The following ACVR2A variants were observed in gnomAD, a reference collection of about 807,000 sequenced individuals.
ACVR2A encodes activin A receptor type 2A, also known as activin receptor type-2A.
In ACVR2A, 7 loss-of-function variants were observed where a neutral mutation model predicts 61.4. That is an observed-to-expected ratio of 0.11 (90% CI 0.06 to 0.21). The LOEUF (loss-of-function observed/expected upper bound fraction) is 0.21, where lower values mean the gene tolerates loss of function less well. ACVR2A is among the 10% of genes least tolerant of loss of function. ACVR2A has a pLI of 1.00. For synonymous variants in ACVR2A, 193 were observed against 208.3 expected (o/e 0.93, Z 0.63); for missense variants, 322 against 621.7 (o/e 0.52, Z 5.13).
At chr2:147,854,309 C>G (rs1168040927) in intron 1 of ACVR2A, among the ~76,000 whole-genome samples, 1 of 152,188 alleles carries the variant, frequency 6.6e-6, no homozygotes, top group African/African-American at 2.4e-5. Context: ...TAAATCGTCT[C>G]TATTTATTAG....
At chr2:147,922,131 T>A (rs1687395326) in intron 8 of ACVR2A, among the ~76,000 whole-genome samples, 2 of 152,122 alleles carry the variant, frequency 1.3e-5, no homozygotes, top group South Asian at 4.1e-4. Flanking sequence ...TTCTGAGTAG[T>A]AAATTTTTTA....
chr2:147,918,208 A>G (rs1687299572), intron 6 of ACVR2A, among the ~76,000 whole-genome samples: 1 of 150,778 alleles, frequency 6.6e-6, no homozygotes. Flanking sequence ...AGATTGGTGG[A>G]AGTTGACTAT....
intron 1 of ACVR2A, among the ~76,000 whole-genome samples, chr2:147,872,821 C>T (rs555397475): frequency 6.6e-6 from 1 of 151,430 alleles, no homozygotes; most frequent in African/African-American, 2.4e-5. Flanking sequence ...ATCACTTTAC[C>T]TTCTTGGAGG....
intron 9 of ACVR2A, 87 bp downstream of exon 9, chr2:147,923,198 A>T (rs1294210049): frequency 1.4e-6 from 2 of 1,425,406 alleles, no homozygotes; most frequent in African/African-American, 2.9e-5. Context: ...GTAATATTTT[A>T]AAGTACAGTT....
At chr2:147,858,417 G>C (rs1238359982) in intron 1 of ACVR2A, among the ~76,000 whole-genome samples, 1 of 152,122 alleles carries the variant, frequency 6.6e-6, no homozygotes, top group Non-Finnish European at 1.5e-5. Flanking sequence ...TTAGATATTA[G>C]AGGGCTTATT....
At chr2:147,854,670 A>G (rs919100352) in intron 1 of ACVR2A, among the ~76,000 whole-genome samples, 1 of 152,230 alleles carries the variant, frequency 6.6e-6, no homozygotes, top group African/African-American at 2.4e-5. Context: ...ATTGAACTAC[A>G]TGCTAGACAC....
At chr2:147,856,229 T>C (rs1390648771) in intron 1 of ACVR2A, among the ~76,000 whole-genome samples, 1 of 152,202 alleles carries the variant, frequency 6.6e-6, no homozygotes, top group African/African-American at 2.4e-5. Context: ...CTCTTTATTA[T>C]GGCAGAAGTT....
At chr2:147,899,293 G>A in intron 2 of ACVR2A, 165 bp from the exon 3 acceptor site, 1 of 458,408 alleles carries the variant, frequency 2.2e-6, no homozygotes, top group East Asian at 3.5e-5. Context: ...TTAGTAACAG[G>A]AATCCAGGAA....
chr2:147,848,195 A>G (rs1685359975), intron 1 of ACVR2A, among the ~76,000 whole-genome samples: 1 of 152,262 alleles, frequency 6.6e-6, no homozygotes, highest in Admixed American at 6.5e-5. Context: ...TCTAAAAGGC[A>G]GAATCTCTTA....
At chr2:147,896,538 T>C in intron 2 of ACVR2A, 30 bp downstream of exon 2, 1 of 1,599,146 alleles carries the variant, frequency 6.3e-7, no homozygotes, top group South Asian at 1.1e-5. Context: ...TTTATGGTAG[T>C]ATTGAGTAAT....
At position 147,866,094 on chromosome 2, in the gene ACVR2A, C is replaced by T. The variant is rs1685847868; in HGVS notation, c.55+20887C>T. On this transcript the variant is annotated intron_variant, in intron 1 of 10. Coordinates refer to ENST00000241416, the MANE Select transcript of ACVR2A (RefSeq NM_001616.5). ...AGAGTAGGCCCAGGGGAGCCAATGT[C>T]ATGGCCAACAAAATGGTATCAAGCA... Among the ~76,000 whole-genome samples the T allele has an allele frequency of 2.0e-5, 3 of 152,112 alleles. No homozygotes were observed. The South Asian group carries it at 6.2e-4, about 32-fold the overall frequency.
At chr2:147,922,658 A>T (rs1156285022) in intron 8 of ACVR2A, among the ~76,000 whole-genome samples, 1 of 151,656 alleles carries the variant, frequency 6.6e-6, no homozygotes, top group Non-Finnish European at 1.5e-5. Context: ...TTTTTTTTTT[A>T]AAGCTACATT....
At chr2:147,917,772 T>C (rs951104470) in intron 6 of ACVR2A, among the ~76,000 whole-genome samples, 1 of 151,942 alleles carries the variant, frequency 6.6e-6, no homozygotes, top group Non-Finnish European at 1.5e-5. Context: ...GAACCATTTT[T>C]TTAAGTTTTA....
intron 4 of ACVR2A, among the ~76,000 whole-genome samples, chr2:147,901,347 T>G (rs759546101): frequency 5.3e-5 from 8 of 151,988 alleles, no homozygotes; most frequent in Non-Finnish European, 1.0e-4. Context: ...GTTAAGGTTT[T>G]TATAGGAGGA....
chr2:147,910,667 C>T (rs1490052172), intron 4 of ACVR2A, among the ~76,000 whole-genome samples: 2 of 152,078 alleles, frequency 1.3e-5, no homozygotes, highest in Admixed American at 6.6e-5. Flanking sequence ...CCTTCCCTAC[C>T]ACTGGTGATC....
chr2:147,860,331 T>TG (rs775691505), intron 1 of ACVR2A, among the ~76,000 whole-genome samples: 7 of 152,088 alleles, frequency 4.6e-5, no homozygotes, highest in Non-Finnish European at 8.8e-5. Context: ...CCAGATGGGT[T>TG]GGCTGTTCCC....
intron 1 of ACVR2A, among the ~76,000 whole-genome samples, chr2:147,856,952 A>G (rs1256761133): frequency 6.6e-6 from 1 of 152,184 alleles, no homozygotes; most frequent in Non-Finnish European, 1.5e-5. Context: ...AAATGTAAAT[A>G]GAGATTGCTT....
chr2:147,918,773 ATGTTAACAT>A (rs1687311314), intron 7 of ACVR2A, among the ~76,000 whole-genome samples, 181 bp downstream of exon 7: 1 of 152,076 alleles, frequency 6.6e-6, no homozygotes, highest in African/African-American at 2.4e-5. Context: ...GATAATGTAT[ATGTTAACAT>A]TATTGGTAAA....
Position 147,868,621 on chromosome 2 carries a change from T to TTTTA in ACVR2A, c.55+23439_55+23442dup, listed in dbSNP as rs566332005. Among the ~76,000 whole-genome samples, 850 of 151,062 alleles carry TTTTA rather than the reference T, an allele frequency of 5.6e-3. 3 individuals are homozygous for TTTTA. Among genetic ancestry groups the TTTTA allele is most frequent in the Non-Finnish European group, 7.0e-3 (474 of 67,732 alleles). ...TCTGTTTCTGTTATATTTTATTTTA[T>TTTTA]TTTATTTATTTATTTATTTATTTAT... On this transcript the variant is annotated intron_variant, in intron 1 of 10. Transcript: ENST00000241416.
Sources: gnomAD v4.1 joint callset for allele counts (sites outside exome capture counted in the v4.1 genomes callset) on GRCh38, gnomAD v4.1.1 for gene constraint, MANE v1.5 for transcripts, NCBI Gene and HGNC (gene_info 2026-07-23, HGNC 2026-07-21) for gene names.